The following RRP7A variants were observed in gnomAD, a reference collection of about 807,000 sequenced individuals.
RRP7A encodes ribosomal RNA-processing protein 7 homolog A.
Under a neutral mutation model 38.4 loss-of-function variants are expected in RRP7A, and 27 were observed. That is an observed-to-expected ratio of 0.70 (90% CI 0.52 to 0.97). The LOEUF is 0.97. Among genes scored for constraint, RRP7A ranks in the 50% least tolerant of loss-of-function variants. The pLI, the probability that RRP7A is intolerant of heterozygous loss-of-function variation, is 0.00. For missense variants in RRP7A, 327 were observed against 375.4 expected, an observed-to-expected ratio of 0.87 and a Z score of 1.07; for synonymous variants, 124 against 150.3, an observed-to-expected ratio of 0.83 and a Z score of 1.28.
intron 6 of RRP7A, among the ~76,000 whole-genome samples, chr22:42,513,707 A>G (rs1296735234): frequency 1.3e-5 from 2 of 148,462 alleles, no homozygotes; most frequent in East Asian, 4.0e-4. Flanking sequence ...ACACACACAC[A>G]CACACACCCA....
At chr22:42,513,034 G>T (rs376079084) in intron 6 of RRP7A, 39 bp from the exon 7 acceptor site, 6 of 1,562,742 alleles carry the variant, frequency 3.8e-6, no homozygotes, top group Non-Finnish European at 5.3e-6. Context: ...GTCAGACAGC[G>T]CGCCCCGGGG....
intron 1 of RRP7A, among the ~76,000 whole-genome samples, chr22:42,518,393 G>C (rs918031959): frequency 3.3e-5 from 5 of 151,008 alleles, no homozygotes; most frequent in Admixed American, 2.0e-4. Context: ...GATTACAGAT[G>C]GGGGCGCAAT....
At chr22:42,515,943 C>T in intron 3 of RRP7A, 68 bp downstream of exon 3, 2 of 1,516,170 alleles carry the variant, frequency 1.3e-6, no homozygotes, top group Admixed American at 2.1e-5. Flanking sequence ...ACTGCCAGCT[C>T]CCCCAACACA....
At position 42,518,162 on chromosome 22, in the gene RRP7A, G is replaced by A. The variant is rs757126105; in HGVS notation, c.74-15C>T. ...GATTGGAATAGCTGGAAAGGAAATG[G>A]GAGGGGAGGGATGGCCAGGCTACCC... On this transcript the variant is annotated splice_polypyrimidine_tract_variant and intron_variant, in intron 1 of 6. Coordinates refer to ENST00000323013, the MANE Select transcript of RRP7A (RefSeq NM_015703.5). 2 of 1,607,554 alleles carry A rather than the reference G, an allele frequency of 1.2e-6. No homozygotes were observed. The highest frequency in any genetic ancestry group is 2.2e-5 in the East Asian group (1 of 44,822).
intron 3 of RRP7A, among the ~76,000 whole-genome samples, chr22:42,515,694 G>A (rs990470955): frequency 2.6e-5 from 4 of 152,152 alleles, no homozygotes; most frequent in African/African-American, 4.8e-5. Flanking sequence ...CTGGAGACCC[G>A]GCCCCCAAGC....
Position 42,517,052 on chromosome 22 carries a change from C to T in RRP7A, c.217-916G>A, listed in dbSNP as rs8135628. Among the ~76,000 whole-genome samples the T allele has an allele frequency of 9.9e-4, 151 of 152,060 alleles. 1 individual carries two copies. The highest frequency in any genetic ancestry group is 6.8e-3 in the Middle Eastern group (2 of 294). On this transcript the variant is annotated intron_variant, in intron 2 of 6. Transcript: ENST00000323013. ...CAGCACGTTGGGAGGCTGAAGGGGG[C>T]GGATTACTTCAGGTCAGCAGTTCGA...
rs1601804499 is a variant in RRP7A, at chr22:42,512,294, A to G, written c.*616T>C. 5.0e-6 allele frequency: 7 copies of G among 1,411,450 alleles called. No homozygotes were observed. In the East Asian group the frequency reaches 6.8e-5, roughly 14 times the overall value. 87.4% of individuals were successfully genotyped at this position (1,411,450 alleles called of 1,614,324 possible). On this transcript the variant is annotated 3_prime_UTR_variant, in exon 7 of 7. Coordinates refer to ENST00000323013, the MANE Select transcript of RRP7A (RefSeq NM_015703.5). The stretch of plus-strand genomic sequence containing the variant: ...TCCCAGACTCAACACTGGGACTCTG[A>G]GTTCCTGAGCCCCACAACAAGGCCA...
chr22:42,508,541 A>G lies in RRP7A; in HGVS notation c.*4369T>C, dbSNP rs1335958982. Reference sequence around the variant, plus strand: ...GACAGGGCAGGCAGGGCCGCGGAGGAGGCTGGCTGGGGCCATCACGGAGTG... The same window carrying G: ...GACAGGGCAGGCAGGGCCGCGGAGGGGGCTGGCTGGGGCCATCACGGAGTG... On this transcript the variant is annotated 3_prime_UTR_variant, in exon 7 of 7. Coordinates refer to ENST00000323013, the MANE Select transcript of RRP7A (RefSeq NM_015703.5). Among the ~76,000 whole-genome samples the G allele has an allele frequency of 2.0e-5, 3 of 152,142 alleles. No individual in the cohort carries two copies. The highest frequency in any genetic ancestry group is 4.4e-5 in the Non-Finnish European group (3 of 68,018).
chr22:42,516,223 C>T (rs1220390453), intron 2 of RRP7A, 87 bp from the exon 3 acceptor site: 1 of 1,552,112 alleles, frequency 6.4e-7, no homozygotes, highest in South Asian at 1.1e-5. Context: ...TGCCAGGGGT[C>T]CAGCGCCGCT....
Position 42,512,470 on chromosome 22 carries a change from A to C in RRP7A, c.*440T>G. 2 of 574,848 alleles carry C rather than the reference A, an allele frequency of 3.5e-6. No individual in the cohort carries two copies. Among genetic ancestry groups the C allele is most frequent in the Non-Finnish European group, 6.1e-6 (2 of 325,242 alleles). The allele number at this position is 574,848 out of a possible 1,614,324, so 35.6% of individuals were successfully genotyped here. Reference sequence around the variant, plus strand: ...TGCTGTCTCCTGGCTAATAATCTCCAGCCAGCTGGAGGAAGGAAGGGCGGG... The same window carrying C: ...TGCTGTCTCCTGGCTAATAATCTCCCGCCAGCTGGAGGAAGGAAGGGCGGG... On this transcript the variant is annotated 3_prime_UTR_variant, in exon 7 of 7. Transcript: ENST00000323013.
At chr22:42,514,071 C>T in intron 6 of RRP7A, 35 bp downstream of exon 6, 1 of 1,591,258 alleles carries the variant, frequency 6.3e-7, no homozygotes, top group Admixed American at 1.8e-5. Flanking sequence ...GGGGCCAAGG[C>T]CGAGGGGTCT....
At chr22:42,516,788 T>C (rs1920931013) in intron 2 of RRP7A, among the ~76,000 whole-genome samples, 1 of 152,188 alleles carries the variant, frequency 6.6e-6, no homozygotes, top group Admixed American at 6.6e-5. Context: ...TGTCTCCACC[T>C]GGGCGCTGAC....
rs776251235 is a variant in RRP7A at position 42,519,764 on chromosome 22, C to A, written c.23G>T (p.Cys8Phe). 23 of 1,451,470 alleles carry A rather than the reference C, an allele frequency of 1.6e-5. No individual in the cohort carries two copies. Among genetic ancestry groups the A allele is most frequent in the East Asian group, 6.0e-5 (2 of 33,260 alleles). The allele number at this position is 1,451,470 out of a possible 1,614,324, so 89.9% of individuals were successfully genotyped here. Residue 8 changes from cysteine (C) to phenylalanine (F), a missense_variant, in exon 1 of 7, where the codon TGC becomes TTC. Cys to Phe is a radical substitution (Grantham distance 205). This residue lies in a region of RRP7A where 183 missense variants were observed against 141.8 expected (regional missense o/e 1.29). Transcript: ENST00000323013. ...ACGGTCCTCCGGGTCCCGCGCGGCG[C>A]ACTTCCTCCTGCGCGCCACCATCTT... The part of the protein sequence containing the change: MVARRRK[C>F]AARDPEDRIP...
At chr22:42,519,414 G>C (rs1007456086) in intron 1 of RRP7A, among the ~76,000 whole-genome samples, 7 of 152,222 alleles carry the variant, frequency 4.6e-5, no homozygotes, top group African/African-American at 1.7e-4. Flanking sequence ...GGGCTCACCT[G>C]GACGAGCGGG....
At position 42,511,189 on chromosome 22, in the gene RRP7A, T is replaced by C. The variant is rs1288656579; in HGVS notation, c.*1721A>G. ...CAGCTAATAGTCACACTTTTTTTTTTTTTTTGAGATGGAGTCTCACTCTGT... is the reference window on the plus strand; with the variant it reads ...CAGCTAATAGTCACACTTTTTTTTTCTTTTTGAGATGGAGTCTCACTCTGT... On this transcript the variant is annotated 3_prime_UTR_variant, in exon 7 of 7. Coordinates refer to ENST00000323013, the MANE Select transcript of RRP7A (RefSeq NM_015703.5). 1 of 152,288 alleles carries C rather than the reference T, an allele frequency of 6.6e-6. No individual in the cohort carries two copies. Among genetic ancestry groups the C allele is most frequent in the African/African-American group, 2.4e-5 (1 of 41,326 alleles). The allele number at this position is 152,288 out of a possible 1,614,324, so 9.4% of individuals were successfully genotyped here.
At position 42,510,904 on chromosome 22, in the gene RRP7A, T is replaced by C. The variant is rs867038871; in HGVS notation, c.*2006A>G. ...CAGTCCCTAGAGGCCTGGGGACACATGTAATCAGAATTTAAGAAACAGAGA... is the reference window on the plus strand; with the variant it reads ...CAGTCCCTAGAGGCCTGGGGACACACGTAATCAGAATTTAAGAAACAGAGA... On this transcript the variant is annotated 3_prime_UTR_variant, in exon 7 of 7. Transcript: ENST00000323013. The C allele has an allele frequency of 1.1e-5, 7 of 620,732 alleles. No homozygotes were observed. The highest frequency in any genetic ancestry group is 3.9e-5 in the African/African-American group (2 of 51,198). 38.5% of individuals were successfully genotyped at this position (620,732 alleles called of 1,614,324 possible). A position where few individuals can be genotyped will look rare whatever the true frequency, so the allele number is the denominator to read the frequency against.
Position 42,510,842 on chromosome 22 carries a change from G to C in RRP7A, c.*2068C>G, listed in dbSNP as rs563755723. On this transcript the variant is annotated 3_prime_UTR_variant, in exon 7 of 7. Transcript: ENST00000323013. ...TGGTCTGCCCCCAGGCCCAACAAGT[G>C]ACCACCAGGATCTATCAGGCCTCAT... The C allele has an allele frequency of 1.0e-4, 120 of 1,176,396 alleles. No homozygotes were observed. The African/African-American group carries it at 1.9e-3, about 19-fold the overall frequency. The allele number at this position is 1,176,396 out of a possible 1,614,324, so 72.9% of individuals were successfully genotyped here.
chr22:42,512,697 C>G lies in RRP7A; in HGVS notation c.*213G>C. On this transcript the variant is annotated 3_prime_UTR_variant, in exon 7 of 7. Coordinates refer to ENST00000323013, the MANE Select transcript of RRP7A (RefSeq NM_015703.5). Reference sequence around the variant, plus strand: ...GGAAGGACAAGTCCTCCTCTCGGCACGCCTGGGTCCCCAGGACTGCTGAAG... The same window carrying G: ...GGAAGGACAAGTCCTCCTCTCGGCAGGCCTGGGTCCCCAGGACTGCTGAAG... 1.6e-6 allele frequency: 1 copy of G among 614,174 alleles called. No homozygotes were observed. The highest frequency in any genetic ancestry group is 2.9e-6 in the Non-Finnish European group (1 of 344,458). 38.0% of individuals were successfully genotyped at this position (614,174 alleles called of 1,614,324 possible).
In RRP7A at chr22:42,508,571, T is replaced by A. The variant is rs1932343234; in HGVS notation, c.*4339A>T. 6.6e-6 allele frequency among the ~76,000 whole-genome samples: 1 copy of A among 152,120 alleles called. No homozygotes were observed. The highest frequency in any genetic ancestry group is 1.5e-5 in the Non-Finnish European group (1 of 68,024). On this transcript the variant is annotated 3_prime_UTR_variant, in exon 7 of 7. Coordinates refer to ENST00000323013, the MANE Select transcript of RRP7A (RefSeq NM_015703.5). ...GGCTGGGGCCATCACGGAGTGCCCA[T>A]CCTGCACTGTGGTCCCAGCAAGTTT...
Sources: gnomAD v4.1 joint callset for allele counts (sites outside exome capture counted in the v4.1 genomes callset) on GRCh38, gnomAD v4.1.1 for gene constraint, gnomAD v4.1.1 regional missense constraint, MANE v1.5 for transcripts, NCBI Gene and HGNC (gene_info 2026-07-23, HGNC 2026-07-21) for gene names.